MYO1B: variants seen among roughly 807,000 people sequenced by gnomAD.
The protein encoded by MYO1B is unconventional myosin-Ib.
A neutral mutation model predicts 159.7 loss-of-function variants in MYO1B; 72 were observed. That is an observed-to-expected ratio of 0.45 (90% CI 0.37 to 0.55). The LOEUF is 0.55. MYO1B is among the 20% of genes least tolerant of loss of function. MYO1B has a pLI of 0.00. For missense variants in MYO1B, 1,062 were observed against 1,364.8 expected (o/e 0.78, Z 3.50); for synonymous variants, 468 against 473.8 (o/e 0.99, Z 0.16).
chr2:191,380,200 G>A (rs375695217), intron 13 of MYO1B, among the ~76,000 whole-genome samples: 2 of 152,356 alleles, frequency 1.3e-5, no homozygotes, highest in African/African-American at 4.8e-5. Context: ...GTTAGATGCT[G>A]CAGCATAAGT....
At chr2:191,276,529 TAC>T (rs1221467826) in intron 1 of MYO1B, among the ~76,000 whole-genome samples, 1 of 152,192 alleles carries the variant, frequency 6.6e-6, no homozygotes, top group East Asian at 1.9e-4. Flanking sequence ...CTGACATTGG[TAC>T]ACAAGGGCTG....
At chr2:191,315,848 G>A (rs1690312048) in intron 3 of MYO1B, among the ~76,000 whole-genome samples, 1 of 152,218 alleles carries the variant, frequency 6.6e-6, no homozygotes, top group Non-Finnish European at 1.5e-5. Context: ...ATCTATAAGA[G>A]GTATAAGTAA....
chr2:191,350,337 CT>C, intron 7 of MYO1B, 112 bp downstream of exon 7: 1 of 689,186 alleles, frequency 1.5e-6, no homozygotes, highest in Non-Finnish European at 2.4e-6. Context: ...TGTTTCCTTG[CT>C]TTATATTTAG....
At chr2:191,258,194 A>G (rs1686574083) in intron 1 of MYO1B, among the ~76,000 whole-genome samples, 1 of 152,230 alleles carries the variant, frequency 6.6e-6, no homozygotes, top group South Asian at 2.1e-4. Flanking sequence ...CAGCCAACAC[A>G]AGTATAGCCA....
Position 191,396,484 on chromosome 2 carries a change from T to C in MYO1B, c.2282T>C (p.Ile761Thr), listed in dbSNP as rs1451952950. The C allele has an allele frequency of 1.9e-6, 3 of 1,614,058 alleles. No homozygotes were observed. Among genetic ancestry groups the C allele is most frequent in the African/African-American group, 2.7e-5 (2 of 74,934 alleles). Reference protein sequence around the residue: ...KSSALVIQSYIRGWKARKILR... With the variant: ...KSSALVIQSYTRGWKARKILR... Reference sequence around the variant, plus strand: ...TCCGCCTTAGTAATTCAGTCTTATATCCGGGGTTGGAAGGTGAGTTTAAAA... The same window carrying C: ...TCCGCCTTAGTAATTCAGTCTTATACCCGGGGTTGGAAGGTGAGTTTAAAA... Residue 761 changes from isoleucine (I) to threonine (T), a missense_variant, in exon 21 of 31, where the codon ATC becomes ACC. By Grantham distance (89) the Ile-to-Thr change is moderately conservative. Around this residue, in one of 5 missense-constraint regions of MYO1B, gnomAD observed 609 missense variants for 744.4 expected, o/e 0.82. Transcript: ENST00000392318.
At chr2:191,388,525 G>T (rs577224057) in intron 17 of MYO1B, among the ~76,000 whole-genome samples, 1 of 152,224 alleles carries the variant, frequency 6.6e-6, no homozygotes, top group African/African-American at 2.4e-5. Context: ...CTAGAGTGAA[G>T]AATATTTTTG....
chr2:191,419,005 A>G (rs1310571739), intron 30 of MYO1B, among the ~76,000 whole-genome samples: 1 of 152,236 alleles, frequency 6.6e-6, no homozygotes, highest in Non-Finnish European at 1.5e-5. Flanking sequence ...TGGTCCCCTA[A>G]GATTGTAATG....
chr2:191,415,821 C>T (rs576409662), intron 29 of MYO1B, among the ~76,000 whole-genome samples: 3 of 152,256 alleles, frequency 2.0e-5, no homozygotes, highest in East Asian at 1.9e-4. Context: ...GTTTCATATT[C>T]ACTGGGGCTG....
At chr2:191,418,625 G>A (rs941453054) in intron 30 of MYO1B, among the ~76,000 whole-genome samples, 3 of 151,750 alleles carry the variant, frequency 2.0e-5, no homozygotes, top group Non-Finnish European at 2.9e-5. Context: ...GAGTAGCTGG[G>A]ATTACAGGCA....
chr2:191,368,698 A>T (rs76945513), intron 11 of MYO1B, among the ~76,000 whole-genome samples: 1 of 152,118 alleles, frequency 6.6e-6, no homozygotes, highest in Non-Finnish European at 1.5e-5. Flanking sequence ...GTGGCCAGGC[A>T]TGGTGGCTCA....
chr2:191,321,154 G>T (rs1051456197), intron 3 of MYO1B, among the ~76,000 whole-genome samples: 5 of 152,182 alleles, frequency 3.3e-5, no homozygotes, highest in Admixed American at 6.5e-5. Context: ...AGTGGCATAT[G>T]AGGTGCTGCT....
Position 191,249,046 on chromosome 2 carries a change from T to C in MYO1B, c.-10+3420T>C, listed in dbSNP as rs538253783. Reference sequence around the variant, plus strand: ...TTTAAAAAGTTAGGTTGCCAACATTTAAAAATAAGTTCTTTTTTCGAAACA... The same window carrying C: ...TTTAAAAAGTTAGGTTGCCAACATTCAAAAATAAGTTCTTTTTTCGAAACA... On this transcript the variant is annotated intron_variant, in intron 1 of 30. Coordinates refer to ENST00000392318, the MANE Select transcript of MYO1B (RefSeq NM_001130158.3). 5.3e-4 allele frequency among the ~76,000 whole-genome samples: 81 copies of C among 152,352 alleles called. No individual in the cohort carries two copies. In the South Asian group the frequency reaches 0.012, roughly 22 times the overall value.
chr2:191,276,758 GT>G, intron 1 of MYO1B, 128 bp from the exon 2 acceptor site: 3 of 1,114,698 alleles, frequency 2.7e-6, no homozygotes, highest in Non-Finnish European at 3.8e-6. Flanking sequence ...GGGAGGAGAG[GT>G]TATGACATTT....
At chr2:191,261,226 T>TTTAA (rs1424966060) in intron 1 of MYO1B, among the ~76,000 whole-genome samples, 1 of 152,188 alleles carries the variant, frequency 6.6e-6, no homozygotes, top group African/African-American at 2.4e-5. Flanking sequence ...CTTATTATAG[T>TTTAA]TTAATACAAT....
chr2:191,367,018 A>G (rs1199588667), intron 11 of MYO1B, among the ~76,000 whole-genome samples: 1 of 151,914 alleles, frequency 6.6e-6, no homozygotes, highest in African/African-American at 2.4e-5. Context: ...GTCCTAGACC[A>G]TGCCTGTTAC....
In MYO1B at chr2:191,416,027, GACTGTAAGT is replaced by G. The variant is rs1697540426; in HGVS notation, c.3160-86_3160-78del. The G allele has an allele frequency of 3.7e-6, 5 of 1,363,216 alleles. No individual in the cohort carries two copies. The South Asian group carries it at 6.9e-5, about 19-fold the overall frequency. The allele number at this position is 1,363,216 out of a possible 1,614,324, so 84.4% of individuals were successfully genotyped here. On this transcript the variant is annotated intron_variant, in intron 29 of 30. Coordinates refer to ENST00000392318, the MANE Select transcript of MYO1B (RefSeq NM_001130158.3). Reference sequence around the variant, plus strand: ...ATTCCAGGATCTGATGTTTTAAAGAGACTGTAAGTATGTTTTTAGCCAAGCCTGTAAATA... The same window carrying G: ...ATTCCAGGATCTGATGTTTTAAAGAGATGTTTTTAGCCAAGCCTGTAAATA...
intron 11 of MYO1B, among the ~76,000 whole-genome samples, chr2:191,368,316 A>T (rs1203823565): frequency 1.3e-5 from 2 of 152,238 alleles, no homozygotes; most frequent in Non-Finnish European, 2.9e-5. Flanking sequence ...ATACACACAT[A>T]CGGCCAGCAT....
chr2:191,351,768 G>T (rs1482652389), intron 7 of MYO1B, among the ~76,000 whole-genome samples: 1 of 152,164 alleles, frequency 6.6e-6, no homozygotes, highest in Non-Finnish European at 1.5e-5. Flanking sequence ...CATGCCTGTG[G>T]TTCCAGCTCA....
rs151016721 is a variant in MYO1B, at chr2:191,297,335, C to T, written c.251+1109C>T. 6.4e-4 allele frequency among the ~76,000 whole-genome samples: 98 copies of T among 152,236 alleles called. 1 individual carries two copies. The East Asian group carries it at 0.017, about 26-fold the overall frequency. ...CAAGGGGCCCACGGTGTCTTGCAGA[C>T]GGGAGTTGGTTGATGCAGCATAACA... is the stretch of plus-strand genomic sequence containing the variant. On this transcript the variant is annotated intron_variant, in intron 3 of 30. Coordinates refer to ENST00000392318, the MANE Select transcript of MYO1B (RefSeq NM_001130158.3).
Sources: allele counts gnomAD v4.1 joint callset (sites outside exome capture counted in the v4.1 genomes callset), GRCh38; gene constraint gnomAD v4.1.1; regional missense constraint gnomAD v4.1.1; transcripts MANE v1.5; gene names NCBI Gene and HGNC (gene_info 2026-07-23, HGNC 2026-07-21).